The following IL2RB variants were observed in gnomAD, a reference collection of about 807,000 sequenced individuals.
The protein encoded by IL2RB is interleukin-2 receptor subunit beta.
Under a neutral mutation model 44.2 loss-of-function variants are expected in IL2RB, and 17 were observed. The observed-to-expected ratio is 0.38, with a 90% confidence interval of 0.26 to 0.58. The LOEUF is 0.58. Among genes scored for constraint, IL2RB ranks in the 20% least tolerant of loss-of-function variants. The probability of loss-of-function intolerance (pLI) is 0.63; values close to 1 mark genes in which losing one functional copy is unlikely to be tolerated. For synonymous variants in IL2RB, 286 were observed against 297.9 expected, an observed-to-expected ratio of 0.96 and a Z score of 0.41; for missense variants, 624 against 685.5, an observed-to-expected ratio of 0.91 and a Z score of 1.00.
chr22:37,147,414 C>A (rs1396497745), intron 1 of IL2RB, among the ~76,000 whole-genome samples: 1 of 152,226 alleles, frequency 6.6e-6, no homozygotes, highest in Non-Finnish European at 1.5e-5. Flanking sequence ...GCTCACACGA[C>A]AGTAAATATG....
At position 37,141,959 on chromosome 22, in the gene IL2RB, T is replaced by G. The variant is rs1921988479; in HGVS notation, c.282+475A>C. The stretch of plus-strand genomic sequence containing the variant: ...GGTAGGTGCCATTATTATGCCCATT[T>G]TACAGAAGGGGAGACTGGGGCACAG... On this transcript the variant is annotated intron_variant, in intron 4 of 9. Transcript: ENST00000216223. The surrounding 1 kb of genome is among the most constrained non-coding windows in gnomAD (Gnocchi z 4.4). 6.6e-6 allele frequency among the ~76,000 whole-genome samples: 1 copy of G among 152,102 alleles called. No homozygotes were observed. Among genetic ancestry groups the G allele is most frequent in the African/African-American group, 2.4e-5 (1 of 41,406 alleles).
rs2146243861 is a variant in IL2RB, at chr22:37,142,807, AG to A, written c.204-296del. ...GTCCTCCCCACCTAGAGCCCTCCAA[AG>A]CTCCATGAGGCTTAGGATGAAGATA... On this transcript the variant is annotated intron_variant, in intron 3 of 9. Transcript: ENST00000216223. 1.5e-5 allele frequency: 8 copies of A among 539,690 alleles called. No individual in the cohort carries two copies. The South Asian group carries it at 1.6e-4, about 11-fold the overall frequency. The allele number at this position is 539,690 out of a possible 1,614,324, so 33.4% of individuals were successfully genotyped here. A position where few individuals can be genotyped will look rare whatever the true frequency, so the allele number is the denominator to read the frequency against.
chr22:37,142,407 C>G, intron 4 of IL2RB, 27 bp downstream of exon 4: 2 of 1,604,858 alleles, frequency 1.2e-6, no homozygotes, highest in East Asian at 4.5e-5. Flanking sequence ...CCTCTCCCTG[C>G]ACTCTCTCCC....
At chr22:37,137,844 G>A (rs1921785806) in intron 5 of IL2RB, 109 bp from the exon 6 acceptor site, 21 of 971,888 alleles carry the variant, frequency 2.2e-5, no homozygotes, top group South Asian at 6.1e-5. Flanking sequence ...CCTACCCCCC[G>A]ACCCAAAGCC....
chr22:37,146,887 C>T (rs1922254556), intron 1 of IL2RB, among the ~76,000 whole-genome samples: 1 of 152,036 alleles, frequency 6.6e-6, no homozygotes, highest in Non-Finnish European at 1.5e-5. Flanking sequence ...CAGCATGGAG[C>T]AGGGACACAC....
At chr22:37,167,347 CAT>C (rs1466039197) in intron 1 of IL2RB, among the ~76,000 whole-genome samples, 1 of 152,172 alleles carries the variant, frequency 6.6e-6, no homozygotes, top group Non-Finnish European at 1.5e-5. Flanking sequence ...CTCGTCCCAC[CAT>C]CTCTCTGCCT....
At chr22:37,156,864 C>T (rs1311910686) in intron 1 of IL2RB, among the ~76,000 whole-genome samples, 2 of 152,194 alleles carry the variant, frequency 1.3e-5, no homozygotes, top group African/African-American at 4.8e-5. Context: ...CCTGCCCTCC[C>T]TGGCTCAGCC....
Sources: allele counts gnomAD v4.1 joint callset (sites outside exome capture counted in the v4.1 genomes callset), GRCh38; gene constraint gnomAD v4.1.1; non-coding constraint Gnocchi (gnomAD v3.1); transcripts MANE v1.5; gene names NCBI Gene and HGNC (gene_info 2026-07-23, HGNC 2026-07-21).